Variants in BICD1 observed in about 807,000 individuals in gnomAD.
BICD1 encodes protein bicaudal D homolog 1.
In BICD1, 35 loss-of-function variants were observed where a neutral mutation model predicts 92.5. The observed-to-expected ratio is 0.38, with a 90% confidence interval of 0.29 to 0.50. The LOEUF (loss-of-function observed/expected upper bound fraction) is 0.50. Ranked by LOEUF, BICD1 falls within the 20% of genes least tolerant of loss-of-function variation. The pLI is 0.93. For missense variants in BICD1, 950 were observed against 1,189.8 expected, an observed-to-expected ratio of 0.80 and a Z score of 2.97; for synonymous variants, 429 against 465.1, an observed-to-expected ratio of 0.92 and a Z score of 1.00.
chr12:32,142,405 T>TAAAA (rs1162662533), intron 1 of BICD1, among the ~76,000 whole-genome samples: 33 of 63,390 alleles, frequency 5.2e-4, no homozygotes, highest in African/African-American at 2.1e-3. Context: ...AGACTCTGTC[T>TAAAA]AAAAAAAAAA....
chr12:32,233,119 C>T (rs947999414), intron 2 of BICD1, among the ~76,000 whole-genome samples: 1 of 152,120 alleles, frequency 6.6e-6, no homozygotes, highest in Middle Eastern at 3.4e-3. Context: ...GTCAAGAATT[C>T]GAGACCAGCC....
In BICD1 at chr12:32,378,422, TC is replaced by T. The variant is rs1940061306; in HGVS notation, c.*796del. On this transcript the variant is annotated 3_prime_UTR_variant, in exon 10 of 10. Coordinates refer to ENST00000652176, the MANE Select transcript of BICD1 (RefSeq NM_001714.4). ...TTGACTTATTCAAGTTTTGATGGCA[TC>T]TTTACTTTTATTTTTTCATTGCAGT... 1 of 152,232 alleles carries T rather than the reference TC, an allele frequency of 6.6e-6. No individual in the cohort carries two copies. The highest frequency in any genetic ancestry group is 2.4e-5 in the African/African-American group (1 of 41,474). The allele number at this position is 152,232 out of a possible 1,614,324, so 9.4% of individuals were successfully genotyped here.
intron 1 of BICD1, among the ~76,000 whole-genome samples, chr12:32,209,342 C>T (rs1945149119): frequency 6.6e-6 from 1 of 152,016 alleles, no homozygotes; most frequent in South Asian, 2.1e-4. Context: ...GGGATAAACA[C>T]AAAAAAATGC....
chr12:32,161,713 T>A (rs1207587266), intron 1 of BICD1, among the ~76,000 whole-genome samples: 1 of 152,248 alleles, frequency 6.6e-6, no homozygotes, highest in Non-Finnish European at 1.5e-5. Flanking sequence ...CATATAGTTA[T>A]TTTGTTAATT....
At chr12:32,320,423 C>A (rs1357575884) in intron 4 of BICD1, among the ~76,000 whole-genome samples, 1 of 152,164 alleles carries the variant, frequency 6.6e-6, no homozygotes, top group Non-Finnish European at 1.5e-5. Flanking sequence ...GGGCAGATCA[C>A]ATGAGGTCAG....
chr12:32,228,470 T>C (rs1352738144), intron 2 of BICD1, among the ~76,000 whole-genome samples: 2 of 152,142 alleles, frequency 1.3e-5, no homozygotes, highest in African/African-American at 2.4e-5. Flanking sequence ...TTGTAGACCA[T>C]TGAAAGGATT....
chr12:32,325,530 C>T (rs549151961), intron 4 of BICD1, among the ~76,000 whole-genome samples: 1 of 152,186 alleles, frequency 6.6e-6, no homozygotes, highest in East Asian at 1.9e-4. Flanking sequence ...CATATCAGAA[C>T]CTCGCCAAGA....
chr12:32,234,983 C>T (rs1304539284), intron 2 of BICD1, among the ~76,000 whole-genome samples: 1 of 152,148 alleles, frequency 6.6e-6, no homozygotes, highest in Non-Finnish European at 1.5e-5. Flanking sequence ...CTGTTGCCAG[C>T]CTAAACATCT....
chr12:32,119,213 A>G (rs1942055168), intron 1 of BICD1, among the ~76,000 whole-genome samples: 1 of 152,214 alleles, frequency 6.6e-6, no homozygotes, highest in South Asian at 2.1e-4. Context: ...GACCATTCAT[A>G]TTTGAAATAT....
chr12:32,290,895 T>A (rs753687014), intron 2 of BICD1, among the ~76,000 whole-genome samples: 2 of 152,242 alleles, frequency 1.3e-5, no homozygotes, highest in Non-Finnish European at 2.9e-5. Context: ...GAAGTCTTCC[T>A]TACCATTTTA....
At chr12:32,246,576 T>A (rs1472515172) in intron 2 of BICD1, among the ~76,000 whole-genome samples, 2 of 152,136 alleles carry the variant, frequency 1.3e-5, no homozygotes, top group African/African-American at 4.8e-5. Flanking sequence ...GGGTTGAGGC[T>A]GCAGTGAGCT....
chr12:32,325,194 C>T (rs1431231607), intron 4 of BICD1, among the ~76,000 whole-genome samples: 2 of 151,744 alleles, frequency 1.3e-5, no homozygotes, highest in African/African-American at 2.4e-5. Context: ...CTCTTTGTTG[C>T]TGTCCTTTCT....
intron 2 of BICD1, among the ~76,000 whole-genome samples, chr12:32,238,888 G>A (rs1193005098): frequency 6.9e-6 from 1 of 145,202 alleles, no homozygotes; most frequent in South Asian, 2.2e-4. Context: ...AGGTTGCAGT[G>A]AGCCGAGATC....
intron 2 of BICD1, among the ~76,000 whole-genome samples, chr12:32,246,616 G>A (rs374576749): frequency 6.6e-5 from 10 of 152,120 alleles, no homozygotes; most frequent in African/African-American, 2.4e-4. Context: ...CTATCCTGCA[G>A]TACAGAGTGA....
intron 1 of BICD1, 186 bp downstream of exon 1, chr12:32,107,730 G>A: frequency 1.3e-6 from 1 of 772,516 alleles, no homozygotes; most frequent in East Asian, 2.7e-5. Context: ...AATTGCCTAA[G>A]AAATGAATAT....
chr12:32,144,061 T>G (rs536499542), intron 1 of BICD1, among the ~76,000 whole-genome samples: 2 of 152,340 alleles, frequency 1.3e-5, no homozygotes, highest in South Asian at 4.1e-4. Context: ...TGCAAATATC[T>G]TCATCTCTGC....
chr12:32,290,951 T>C (rs987627039), intron 2 of BICD1, among the ~76,000 whole-genome samples: 1 of 152,174 alleles, frequency 6.6e-6, no homozygotes, highest in Non-Finnish European at 1.5e-5. Flanking sequence ...TACACCACAG[T>C]CAACAACCCC....
chr12:32,138,479 G>A (rs962129435), intron 1 of BICD1, among the ~76,000 whole-genome samples: 3 of 152,150 alleles, frequency 2.0e-5, no homozygotes, highest in Non-Finnish European at 2.9e-5. Context: ...CTGACTTAAC[G>A]ATGGTTCATC....
chr12:32,170,388 G>A (rs146768410), intron 1 of BICD1, among the ~76,000 whole-genome samples: 341 of 152,224 alleles, frequency 2.2e-3, no homozygotes, highest in Non-Finnish European at 4.1e-3. Flanking sequence ...AATAAAATAT[G>A]TCTGAGCCAC....
Sources: gnomAD v4.1 joint callset for allele counts (sites outside exome capture counted in the v4.1 genomes callset) on GRCh38, gnomAD v4.1.1 for gene constraint, MANE v1.5 for transcripts, NCBI Gene and HGNC (gene_info 2026-07-23, HGNC 2026-07-21) for gene names.